Variants in CEP128 observed in about 807,000 individuals in gnomAD.
The protein encoded by CEP128 is centrosomal protein 128kDa.
CEP128 carries 132 observed loss-of-function variants against 156.7 expected under a neutral mutation model. The ratio of observed to expected loss-of-function variants is 0.84; its 90% CI spans 0.73 to 0.97. CEP128 has a LOEUF of 0.97. CEP128 is among the 50% of genes least tolerant of loss of function. CEP128 has a pLI of 0.00. For synonymous variants in CEP128, 469 were observed against 448.9 expected, an observed-to-expected ratio of 1.04 and a Z score of -0.57; for missense variants, 1,252 against 1,281.9, an observed-to-expected ratio of 0.98 and a Z score of 0.36.
intron 23 of CEP128, among the ~76,000 whole-genome samples, chr14:80,522,737 A>G (rs1405358240): frequency 6.6e-6 from 1 of 152,206 alleles, no homozygotes; most frequent in Non-Finnish European, 1.5e-5. Context: ...ATTCTGTTCT[A>G]TTTGAAACAG....
chr14:80,854,765 A>G (rs2140130368), intron 9 of CEP128, among the ~76,000 whole-genome samples: 1 of 152,354 alleles, frequency 6.6e-6, no homozygotes. Context: ...ACCTAGTTAA[A>G]CACAGGACCA....
intron 21 of CEP128, among the ~76,000 whole-genome samples, chr14:80,534,632 T>C (rs1441938280): frequency 6.6e-6 from 1 of 152,124 alleles, no homozygotes; most frequent in Non-Finnish European, 1.5e-5. Context: ...GAGACCATCC[T>C]GGTGAACACG....
intron 2 of CEP128, among the ~76,000 whole-genome samples, chr14:80,954,327 T>C (rs1886547987): frequency 6.6e-6 from 1 of 152,184 alleles, no homozygotes; most frequent in Admixed American, 6.5e-5. Flanking sequence ...GTTCATTCAT[T>C]TTTATTGCAG....
intron 19 of CEP128, among the ~76,000 whole-genome samples, chr14:80,645,588 G>A (rs1894599910): frequency 6.6e-6 from 1 of 152,082 alleles, no homozygotes; most frequent in Non-Finnish European, 1.5e-5. Flanking sequence ...GTGAGGATGT[G>A]GAGCAAAAGG....
At chr14:80,832,933 A>G (rs940492540) in intron 12 of CEP128, among the ~76,000 whole-genome samples, 1 of 152,204 alleles carries the variant, frequency 6.6e-6, no homozygotes, top group African/African-American at 2.4e-5. Flanking sequence ...TATCTTAGCT[A>G]TATGATTTCT....
intron 18 of CEP128, among the ~76,000 whole-genome samples, chr14:80,747,912 G>C (rs1899187390): frequency 6.6e-6 from 1 of 152,188 alleles, no homozygotes; most frequent in Non-Finnish European, 1.5e-5. Flanking sequence ...TTTTCTACTT[G>C]AGGTGATGAA....
intron 19 of CEP128, among the ~76,000 whole-genome samples, chr14:80,597,483 T>A (rs944971504): frequency 3.3e-5 from 5 of 152,160 alleles, no homozygotes; most frequent in African/African-American, 1.2e-4. Flanking sequence ...TAATAACTTT[T>A]ACCAAATGTT....
At chr14:80,937,741 C>T (rs1885893935) in intron 2 of CEP128, among the ~76,000 whole-genome samples, 1 of 151,968 alleles carries the variant, frequency 6.6e-6, no homozygotes, top group African/African-American at 2.4e-5. Flanking sequence ...AGAATCAACC[C>T]AGAGACATTA....
At chr14:80,791,516 A>G (rs1360492560) in intron 14 of CEP128, among the ~76,000 whole-genome samples, 6 of 152,160 alleles carry the variant, frequency 3.9e-5, no homozygotes, top group South Asian at 4.1e-4. Context: ...TTTTCAATCA[A>G]TCAATTCTCT....
chr14:80,494,008 C>G (rs1331825594), downstream of CEP128, among the ~76,000 whole-genome samples: 1 of 152,102 alleles, frequency 6.6e-6, no homozygotes, highest in Non-Finnish European at 1.5e-5. Context: ...TTTCTTCCAG[C>G]CTTAAATTAG....
At chr14:80,563,868 A>G (rs1890800921) in intron 20 of CEP128, among the ~76,000 whole-genome samples, 1 of 152,108 alleles carries the variant, frequency 6.6e-6, no homozygotes, top group African/African-American at 2.4e-5. Context: ...AACACCTAAA[A>G]TAAGACATAA....
At chr14:80,883,571 T>C (rs1360624847) in intron 8 of CEP128, among the ~76,000 whole-genome samples, 2 of 152,054 alleles carry the variant, frequency 1.3e-5, no homozygotes, top group African/African-American at 4.8e-5. Context: ...TATATAAGAT[T>C]GATGCAAGGA....
intron 19 of CEP128, among the ~76,000 whole-genome samples, chr14:80,709,560 A>C (rs563606211): frequency 4.6e-4 from 70 of 152,308 alleles, no homozygotes; most frequent in Non-Finnish European, 7.5e-4. Context: ...CAACTTTTCA[A>C]GATACATTTA....
intron 2 of CEP128, among the ~76,000 whole-genome samples, chr14:80,936,331 A>G (rs1885806807): frequency 6.6e-6 from 1 of 152,162 alleles, no homozygotes; most frequent in African/African-American, 2.4e-5. Flanking sequence ...GCAGTGATCC[A>G]AGATGACACC....
intron 12 of CEP128, among the ~76,000 whole-genome samples, chr14:80,835,011 CCTT>C (rs1237402372): frequency 6.6e-6 from 1 of 152,104 alleles, no homozygotes. Flanking sequence ...GGCTTGGTGT[CCTT>C]CTTGTAGCAG....
chr14:80,639,550 G>C (rs1454037571), intron 19 of CEP128, among the ~76,000 whole-genome samples: 1 of 152,088 alleles, frequency 6.6e-6, no homozygotes, highest in Admixed American at 6.5e-5. Flanking sequence ...TCTTAAATAT[G>C]TTTATTGTTG....
intron 2 of CEP128, among the ~76,000 whole-genome samples, chr14:80,936,612 A>C (rs981785914): frequency 1.1e-4 from 16 of 152,180 alleles, no homozygotes; most frequent in Admixed American, 9.2e-4. Context: ...TACCAGAAAC[A>C]AGCTTTAAAA....
chr14:80,923,524 C>A (rs1884989547), intron 2 of CEP128, among the ~76,000 whole-genome samples: 1 of 152,138 alleles, frequency 6.6e-6, no homozygotes, highest in Non-Finnish European at 1.5e-5. Context: ...GCAAGCTGTT[C>A]CATAAAAGAT....
intron 23 of CEP128, among the ~76,000 whole-genome samples, chr14:80,505,279 C>G (rs1887921106): frequency 6.6e-6 from 1 of 152,082 alleles, no homozygotes; most frequent in South Asian, 2.1e-4. Flanking sequence ...ATTTATAAAA[C>G]TTTGTGTTTA....
Sources: gnomAD v4.1 joint callset for allele counts (sites outside exome capture counted in the v4.1 genomes callset) on GRCh38, gnomAD v4.1.1 for gene constraint, MANE v1.5 for transcripts, NCBI Gene and HGNC (gene_info 2026-07-23, HGNC 2026-07-21) for gene names.